ZNF181: variants seen among roughly 807,000 people sequenced by gnomAD.
The protein encoded by ZNF181 is zinc finger protein 181.
ZNF181 carries 8 observed loss-of-function variants against 11.9 expected under a neutral mutation model. The observed-to-expected ratio is 0.67, with a 90% CI of 0.39 to 1.21. The LOEUF (loss-of-function observed/expected upper bound fraction) is 1.21, where lower values mean the gene tolerates loss of function less well. ZNF181 is among the 50% of genes most tolerant of loss of function. The probability of loss-of-function intolerance (pLI) is 0.01; values close to 1 mark genes in which losing one functional copy is unlikely to be tolerated. For synonymous variants in ZNF181, 202 were observed against 221.1 expected, an observed-to-expected ratio of 0.91 and a Z score of 0.77; for missense variants, 542 against 670.9, an observed-to-expected ratio of 0.81 and a Z score of 2.12.
rs750266354 is a variant in ZNF181 at position 34,741,669 on chromosome 19, G to A, written c.1288G>A (p.Glu430Lys). The A allele has an allele frequency of 1.2e-6, 2 of 1,613,710 alleles. No individual in the cohort carries two copies. The highest frequency in any genetic ancestry group is 1.7e-6 in the Non-Finnish European group (2 of 1,179,754). Residue 430 changes from glutamate (E) to lysine (K), a missense_variant, in exon 4 of 4, where the codon GAA becomes AAA. Coordinates refer to ENST00000492450, the MANE Select transcript of ZNF181 (RefSeq NM_001029997.4). The part of the protein sequence containing the change: ...LVQHQSIHTE[E>K]KPFECQKCRK... ...TCAGCATCAGAGTATTCATACTGAA[G>A]AAAAACCCTTTGAATGTCAGAAATG... is the stretch of plus-strand genomic sequence containing the variant.
chr19:34,739,468 T>C lies in ZNF181; in HGVS notation c.131-55T>C, dbSNP rs902390006. ...TCCCTTCCTGTGGTCCCTCTTGTGA[T>C]GGCCTCTCATAATAGAGGACCACGG... On this transcript the variant is annotated intron_variant, in intron 2 of 3. Coordinates refer to ENST00000492450, the MANE Select transcript of ZNF181 (RefSeq NM_001029997.4). The C allele has an allele frequency of 8.7e-6, 14 of 1,604,446 alleles. No individual in the cohort carries two copies. The African/African-American group carries it at 1.5e-4, about 17-fold the overall frequency.
rs2069015743 is a variant in ZNF181 at position 34,744,336 on chromosome 19, G to A, written c.*2239G>A. 2 of 152,208 alleles carry A rather than the reference G, an allele frequency of 1.3e-5. No individual in the cohort carries two copies. Among genetic ancestry groups the A allele is most frequent in the Admixed American group, 1.3e-4 (2 of 15,298 alleles). 9.4% of individuals were successfully genotyped at this position (152,208 alleles called of 1,614,324 possible). The stretch of plus-strand genomic sequence containing the variant: ...ATCATGAAATTTATATTGAAATTCT[G>A]TGAAACATTGAAGGATCTTTGGAAG... On this transcript the variant is annotated 3_prime_UTR_variant, in exon 4 of 4. Coordinates refer to ENST00000492450, the MANE Select transcript of ZNF181 (RefSeq NM_001029997.4).
Position 34,739,519 on chromosome 19 carries a change from T to C in ZNF181, c.131-4T>C. Reference sequence around the variant, plus strand: ...CTTAAACAATTCTGTATTCTTCCTGTAAGCAGGTCTTTCTGTAACTAAGCC... The same window carrying C: ...CTTAAACAATTCTGTATTCTTCCTGCAAGCAGGTCTTTCTGTAACTAAGCC... On this transcript the variant is annotated splice_region_variant and splice_polypyrimidine_tract_variant and intron_variant, in intron 2 of 3. Coordinates refer to ENST00000492450, the MANE Select transcript of ZNF181 (RefSeq NM_001029997.4). The C allele has an allele frequency of 6.2e-7, 1 of 1,614,020 alleles. No homozygotes were observed. The highest frequency in any genetic ancestry group is 8.5e-7 in the Non-Finnish European group (1 of 1,179,912).
intron 1 of ZNF181, among the ~76,000 whole-genome samples, chr19:34,735,898 A>C (rs1305852426): frequency 6.6e-6 from 1 of 152,104 alleles, no homozygotes; most frequent in Admixed American, 6.5e-5. Context: ...CTGAATGGCT[A>C]TTTGCAATCG....
Position 34,741,393 on chromosome 19 carries a change from G to C in ZNF181, c.1012G>C (p.Glu338Gln), listed in dbSNP as rs1471647955. 17 of 1,613,638 alleles carry C rather than the reference G, an allele frequency of 1.1e-5. No homozygotes were observed. Among genetic ancestry groups the C allele is most frequent in the Admixed American group, 3.3e-5 (2 of 59,958 alleles). ...KSFSRVSHLI[E>Q]HLRIHTQEKL... ...TTTTAGTCGTGTGTCCCATCTTATTGAACATCTAAGAATTCATACTCAAGA... is the reference window on the plus strand; with the variant it reads ...TTTTAGTCGTGTGTCCCATCTTATTCAACATCTAAGAATTCATACTCAAGA... The change falls in exon 4 of 4, where the codon GAA (glutamate) becomes CAA (glutamine). Residue 338 changes from glutamate to glutamine, a missense_variant. Transcript: ENST00000492450.
chr19:34,734,252 T>A lies in ZNF181; in HGVS notation c.-786T>A, dbSNP rs1172208568. Reference sequence around the variant, plus strand: ...GCACTGGGTCCGCCCCGCTGTAGCCTCAGGCCTGACGGCGACTCCCAGGCT... The same window carrying A: ...GCACTGGGTCCGCCCCGCTGTAGCCACAGGCCTGACGGCGACTCCCAGGCT... On this transcript the variant is annotated 5_prime_UTR_variant, in exon 1 of 4. Coordinates refer to ENST00000492450, the MANE Select transcript of ZNF181 (RefSeq NM_001029997.4). 6.6e-6 allele frequency: 1 copy of A among 152,172 alleles called. No individual in the cohort carries two copies. The highest frequency in any genetic ancestry group is 1.9e-4 in the East Asian group (1 of 5,176). The allele number at this position is 152,172 out of a possible 1,614,324, so 9.4% of individuals were successfully genotyped here.
intron 2 of ZNF181, 28 bp downstream of exon 2, chr19:34,739,296 T>C (rs1330559704): frequency 1.1e-5 from 17 of 1,610,604 alleles, no homozygotes; most frequent in Non-Finnish European, 1.4e-5. Context: ...TCCACTCCAG[T>C]AGGGGACACC....
chr19:34,741,914 C>T lies in ZNF181; in HGVS notation c.1533C>T (p.His511=), dbSNP rs142158549. 3.9e-4 allele frequency: 635 copies of T among 1,613,760 alleles called. No individual in the cohort carries two copies. Among genetic ancestry groups the T allele is most frequent in the Non-Finnish European group, 2.0e-4 (232 of 1,179,838 alleles). ...ACCTTACCGTACATCAGAGAATTCA[C>T]ACTGGAGAAAAGCCATATAAATGTA... ...SSNLTVHQRI[H]TGEKPYKCNE... Residue 511 remains histidine, a synonymous_variant, in exon 4 of 4, where the codon CAC becomes CAT. Transcript: ENST00000492450.
Position 34,742,763 on chromosome 19 carries a change from C to T in ZNF181, c.*666C>T, listed in dbSNP as rs561379736. 10 of 152,256 alleles carry T rather than the reference C, an allele frequency of 6.6e-5. No individual in the cohort carries two copies. Among genetic ancestry groups the T allele is most frequent in the African/African-American group, 2.2e-4 (9 of 41,550 alleles). The allele number at this position is 152,256 out of a possible 1,614,324, so 9.4% of individuals were successfully genotyped here. ...GTGGGCATGTGAAGATATTTAGTCA[C>T]CCAGAGGAGCCAGTAAGTGTTATAA... On this transcript the variant is annotated 3_prime_UTR_variant, in exon 4 of 4. Coordinates refer to ENST00000492450, the MANE Select transcript of ZNF181 (RefSeq NM_001029997.4).
intron 3 of ZNF181, 25 bp from the exon 4 acceptor site, chr19:34,740,585 TG>T: frequency 6.6e-7 from 1 of 1,523,316 alleles, no homozygotes; most frequent in Non-Finnish European, 8.8e-7. Context: ...AACAAAACAG[TG>T]CTTTGCTTTT....
At chr19:34,739,683 G>A in intron 3 of ZNF181, 62 bp downstream of exon 3, 1 of 1,567,420 alleles carries the variant, frequency 6.4e-7, no homozygotes. Flanking sequence ...ACTCTTTATA[G>A]TGAGTTTATA....
intron 1 of ZNF181, chr19:34,736,352 G>C (rs1231648903): frequency 1.7e-6 from 1 of 605,470 alleles, no homozygotes; most frequent in African/African-American, 1.8e-5. Flanking sequence ...TGAACCCTGT[G>C]GTGTGCGGCT....
Position 34,734,846 on chromosome 19 carries a change from C to T in ZNF181, c.-192C>T, listed in dbSNP as rs2145410735. The T allele has an allele frequency of 1.7e-6, 1 of 583,588 alleles. No homozygotes were observed. 36.2% of individuals were successfully genotyped at this position (583,588 alleles called of 1,614,324 possible). A position where few individuals can be genotyped will look rare whatever the true frequency, so the allele number is the denominator to read the frequency against. ...TGCGGAGAAACACCCTGTTAGTTCCCAGGGAGAGATTGGCGCCCTGGAGAG... is the reference window on the plus strand; with the variant it reads ...TGCGGAGAAACACCCTGTTAGTTCCTAGGGAGAGATTGGCGCCCTGGAGAG... On this transcript the variant is annotated 5_prime_UTR_variant, in exon 1 of 4. Transcript: ENST00000492450.
In ZNF181 at chr19:34,744,424, AC is replaced by A. The variant is rs1404565691; in HGVS notation, c.*2329del. On this transcript the variant is annotated 3_prime_UTR_variant, in exon 4 of 4. Transcript: ENST00000492450. ...GTCTGTACTCCCAGCACTTTGGGAGACCGAGGCAGGAGGATTGCTTGAGGCC... is the reference window on the plus strand; with the variant it reads ...GTCTGTACTCCCAGCACTTTGGGAGACGAGGCAGGAGGATTGCTTGAGGCC... 2 of 152,014 alleles carry A rather than the reference AC, an allele frequency of 1.3e-5. No individual in the cohort carries two copies. The highest frequency in any genetic ancestry group is 2.9e-5 in the Non-Finnish European group (2 of 68,026). 9.4% of individuals were successfully genotyped at this position (152,014 alleles called of 1,614,324 possible).
At position 34,742,390 on chromosome 19, in the gene ZNF181, A is replaced by G. The variant is rs939344523; in HGVS notation, c.*293A>G. On this transcript the variant is annotated 3_prime_UTR_variant, in exon 4 of 4. Coordinates refer to ENST00000492450, the MANE Select transcript of ZNF181 (RefSeq NM_001029997.4). Reference sequence around the variant, plus strand: ...CTACAGACAATAGGAATCTTTTACAAACTCCTACAGGAGAGAAGCTGTATG... The same window carrying G: ...CTACAGACAATAGGAATCTTTTACAGACTCCTACAGGAGAGAAGCTGTATG... 3.0e-4 allele frequency: 58 copies of G among 196,140 alleles called. No homozygotes were observed. Among genetic ancestry groups the G allele is most frequent in the African/African-American group, 1.3e-3 (54 of 43,020 alleles). 12.1% of individuals were successfully genotyped at this position (196,140 alleles called of 1,614,324 possible).
chr19:34,737,574 C>T (rs1018046385), intron 1 of ZNF181, among the ~76,000 whole-genome samples: 1 of 152,200 alleles, frequency 6.6e-6, no homozygotes, highest in Non-Finnish European at 1.5e-5. Flanking sequence ...AATTTCTAAG[C>T]CACATCTGTG....
intron 2 of ZNF181, 83 bp downstream of exon 2, chr19:34,739,351 G>A (rs2068934505): frequency 6.3e-7 from 1 of 1,589,254 alleles, no homozygotes. Flanking sequence ...CTAAGTAAAT[G>A]GCTGAATTTC....
intron 3 of ZNF181, 106 bp downstream of exon 3, chr19:34,739,727 C>G (rs75778161): frequency 1.8e-6 from 2 of 1,131,366 alleles, no homozygotes; most frequent in East Asian, 4.8e-5. Context: ...ATACTGTTTT[C>G]AAAGATCTCA....
chr19:34,735,241 A>G (rs2068870531), intron 1 of ZNF181, among the ~76,000 whole-genome samples, 195 bp downstream of exon 1: 1 of 152,170 alleles, frequency 6.6e-6, no homozygotes, highest in South Asian at 2.1e-4. Flanking sequence ...CCTCTTTTCT[A>G]CAGTTTTCTG....
Sources: allele counts gnomAD v4.1 joint callset (sites outside exome capture counted in the v4.1 genomes callset), GRCh38; gene constraint gnomAD v4.1.1; transcripts MANE v1.5; gene names NCBI Gene and HGNC (gene_info 2026-07-23, HGNC 2026-07-21).